The following TRIM5 variants were observed in gnomAD, a reference collection of about 807,000 sequenced individuals.
TRIM5 encodes the protein tripartite motif containing 5, also known as tripartite motif-containing protein 5.
TRIM5 carries 31 observed loss-of-function variants against 35.6 expected under a neutral mutation model. The ratio of observed to expected loss-of-function variants is 0.87; its 90% confidence interval spans 0.65 to 1.18. The LOEUF is 1.18. Ranked by LOEUF, TRIM5 falls within the 50% of genes most tolerant of loss-of-function variation. The probability of loss-of-function intolerance (pLI) is 0.00; values close to 1 mark genes in which losing one functional copy is unlikely to be tolerated. For synonymous variants in TRIM5, 243 were observed against 215.6 expected (o/e 1.13, Z -1.11); for missense variants, 609 against 591.6 (o/e 1.03, Z -0.31).
At chr11:5,671,405 T>C (rs575592386) in intron 4 of TRIM5, among the ~76,000 whole-genome samples, 3 of 151,656 alleles carry the variant, frequency 2.0e-5, no homozygotes, top group South Asian at 2.1e-4. Flanking sequence ...AAAGCAACTA[T>C]TGCAAATAGG....
At chr11:5,657,925 T>G in the TRIM5 span, among the ~76,000 whole-genome samples, 1 of 151,254 alleles carries the variant, frequency 6.6e-6, no homozygotes, top group Admixed American at 6.6e-5. Flanking sequence ...AAAATCCTTT[T>G]ATTTAGAAAA....
the TRIM5 span, among the ~76,000 whole-genome samples, chr11:5,594,543 G>T: frequency 2.0e-5 from 3 of 152,150 alleles, no homozygotes; most frequent in South Asian, 6.2e-4. Flanking sequence ...GTGGATTCAA[G>T]CTATCCTTCC....
chr11:5,678,912 A>G (rs560831782), intron 3 of TRIM5, among the ~76,000 whole-genome samples, 162 bp downstream of exon 3: 1 of 152,332 alleles, frequency 6.6e-6, no homozygotes, highest in African/African-American at 2.4e-5. Flanking sequence ...ACTGTGACAT[A>G]TTCACTCCTC....
At chr11:5,613,394 T>C in the TRIM5 span, among the ~76,000 whole-genome samples, 4 of 152,248 alleles carry the variant, frequency 2.6e-5, no homozygotes, top group Non-Finnish European at 5.9e-5. Flanking sequence ...TATGGTGAGA[T>C]AAAGTAGTGC....
At chr11:5,642,865 A>G in the TRIM5 span, 1 of 1,613,750 alleles carries the variant, frequency 6.2e-7, no homozygotes, top group East Asian at 2.2e-5. Context: ...TTAGTCTTTA[A>G]ATAACTGTTT....
chr11:5,668,649 C>T (rs1040093752), intron 4 of TRIM5, among the ~76,000 whole-genome samples: 2 of 152,042 alleles, frequency 1.3e-5, no homozygotes, highest in African/African-American at 4.8e-5. Flanking sequence ...GGGGTTTCAC[C>T]ATGTTGGTCA....
At chr11:5,617,035 CTTT>C in the TRIM5 span, among the ~76,000 whole-genome samples, 12 of 126,618 alleles carry the variant, frequency 9.5e-5, no homozygotes, top group Non-Finnish European at 1.2e-4. Flanking sequence ...CCACGCCCAG[CTTT>C]TTTTTTTTTT....
rs56208572 is a variant in TRIM5, at chr11:5,663,967, C to G, written c.*842G>C. 375 of 154,392 alleles carry G rather than the reference C, an allele frequency of 2.4e-3. 1 individual carries two copies. The highest frequency in any genetic ancestry group is 2.4e-3 in the Non-Finnish European group (171 of 70,028). The allele number at this position is 154,392 out of a possible 1,614,324, so 9.6% of individuals were successfully genotyped here. On this transcript the variant is annotated 3_prime_UTR_variant, in exon 8 of 8. Coordinates refer to ENST00000380034, the MANE Select transcript of TRIM5 (RefSeq NM_033034.3). ...CTGTAATCCCAGCACTTTGGGAGGC[C>G]GAGGCGGGTGGATCACCTGAGGTCA...
intron 5 of TRIM5, 167 bp from the exon 6 acceptor site, chr11:5,666,248 C>A: frequency 1.5e-6 from 1 of 683,942 alleles, no homozygotes; most frequent in South Asian, 1.6e-5. Context: ...ACAAAATGTT[C>A]TCATGTTTGC....
intron 3 of TRIM5, among the ~76,000 whole-genome samples, chr11:5,678,655 GT>G (rs1408273278): frequency 3.3e-5 from 5 of 152,080 alleles, no homozygotes; most frequent in African/African-American, 1.2e-4. Context: ...ATCAAAATGG[GT>G]TACCTGGATG....
chr11:5,679,959 T>C lies in TRIM5; in HGVS notation c.219A>G (p.Val73=), dbSNP rs1590276549. 6.2e-7 allele frequency: 1 copy of C among 1,614,160 alleles called. No individual in the cohort carries two copies. Among genetic ancestry groups the C allele is most frequent in the Non-Finnish European group, 8.5e-7 (1 of 1,180,016 alleles). ...CCCTGAGCTTCTCCACTATGTTGGC[T>C]ACATGCCGATTAGGCCGTATGTTCT... The part of the protein sequence containing the change: ...QPENIRPNRH[V]ANIVEKLREV... Residue 73 remains valine, a synonymous_variant, in exon 2 of 8, where the codon GTA becomes GTG. Coordinates refer to ENST00000380034, the MANE Select transcript of TRIM5 (RefSeq NM_033034.3).
At chr11:5,667,294 C>A (rs1851214328) in intron 5 of TRIM5, among the ~76,000 whole-genome samples, 1 of 152,156 alleles carries the variant, frequency 6.6e-6, no homozygotes, top group African/African-American at 2.4e-5. Context: ...GCAACCTCTG[C>A]CTCCTGGATT....
chr11:5,624,838 G>A, the TRIM5 span: 1 of 152,128 alleles, frequency 6.6e-6, no homozygotes, highest in East Asian at 1.9e-4. Context: ...TCTGTCCAGA[G>A]GCTCTAAAGG....
the TRIM5 span, among the ~76,000 whole-genome samples, chr11:5,645,252 T>C: frequency 1.3e-5 from 2 of 151,940 alleles, no homozygotes; most frequent in African/African-American, 2.4e-5. Context: ...ATTAGCTGGA[T>C]GTGGTGGCGA....
At chr11:5,623,257 A>T in the TRIM5 span, among the ~76,000 whole-genome samples, 1 of 152,022 alleles carries the variant, frequency 6.6e-6, no homozygotes, top group Non-Finnish European at 1.5e-5. Flanking sequence ...CACTATCTAA[A>T]TGTATTAGTT....
chr11:5,612,558 G>C, the TRIM5 span: 279 of 152,334 alleles, frequency 1.8e-3, no homozygotes, highest in African/African-American at 6.2e-3. Context: ...CTTAAAGGAA[G>C]AGGATGATTT....
the TRIM5 span, among the ~76,000 whole-genome samples, chr11:5,636,792 C>T: frequency 1.3e-5 from 2 of 152,144 alleles, no homozygotes; most frequent in Admixed American, 6.6e-5. Context: ...AAATGGAAAA[C>T]TTAGGAACTT....
chr11:5,611,252 C>G, the TRIM5 span: 1 of 1,614,068 alleles, frequency 6.2e-7, no homozygotes, highest in Non-Finnish European at 8.5e-7. Flanking sequence ...TCTACACTTT[C>G]TCTAAATATT....
chr11:5,679,902 A>C lies in TRIM5; in HGVS notation c.276T>G (p.Val92=). ...EVKLSPEGQK[V]DHCARHGEKL... is the part of the protein sequence containing the mutation. ...TCTCTCCATGGCGTGCACAATGATC[A>C]ACTTTCTGCCCCTCTGGGCTCAACT... is the stretch of plus-strand genomic sequence containing the variant. Residue 92 remains valine, a synonymous_variant, in exon 2 of 8, where the codon GTT becomes GTG. Transcript: ENST00000380034. 6.2e-7 allele frequency: 1 copy of C among 1,613,934 alleles called. No homozygotes were observed. The highest frequency in any genetic ancestry group is 1.1e-5 in the South Asian group (1 of 91,060).
Sources: allele counts gnomAD v4.1 joint callset (sites outside exome capture counted in the v4.1 genomes callset), GRCh38; gene constraint gnomAD v4.1.1; transcripts MANE v1.5; gene names NCBI Gene and HGNC (gene_info 2026-07-23, HGNC 2026-07-21).